Variants in BIRC6 observed in about 807,000 individuals in gnomAD.
The protein encoded by BIRC6 is dual E2 ubiquitin-conjugating enzyme/E3 ubiquitin-protein ligase BIRC6.
In BIRC6, 98 loss-of-function variants were observed where a neutral mutation model predicts 503.3. The ratio of observed to expected loss-of-function variants is 0.19; its 90% CI spans 0.17 to 0.23. The LOEUF (loss-of-function observed/expected upper bound fraction) is 0.23, where lower values mean the gene tolerates loss of function less well. Among genes scored for constraint, BIRC6 ranks in the 10% least tolerant of loss-of-function variants. BIRC6 has a pLI of 1.00. For synonymous variants in BIRC6, 2,240 were observed against 2,078.7 expected, an observed-to-expected ratio of 1.08 and a Z score of -2.11; for missense variants, 5,360 against 5,806.0, an observed-to-expected ratio of 0.92 and a Z score of 2.50.
At chr2:32,532,137 G>GTGTGTGTGTGTT in intron 61 of BIRC6, 1 of 512,954 alleles carries the variant, frequency 1.9e-6, no homozygotes, top group South Asian at 1.4e-5. Flanking sequence ...TTCATGTCGT[G>GTGTGTGTGTGTT]TGTGTGTGTG....
intron 30 of BIRC6, among the ~76,000 whole-genome samples, chr2:32,469,870 A>C (rs183054352): frequency 1.5e-4 from 23 of 152,334 alleles, no homozygotes; most frequent in African/African-American, 5.5e-4. Context: ...TATTTCTATT[A>C]GATTATGTTG....
intron 9 of BIRC6, among the ~76,000 whole-genome samples, chr2:32,407,081 C>A (rs1306283202): frequency 1.3e-5 from 2 of 152,142 alleles, no homozygotes; most frequent in African/African-American, 2.4e-5. Context: ...AATCCTAACT[C>A]TTCTACTTAA....
At position 32,450,733 on chromosome 2, in the gene BIRC6, A is replaced by G. The variant is rs144487360; in HGVS notation, c.4618+1805A>G. Among the ~76,000 whole-genome samples the G allele has an allele frequency of 7.3e-3, 1,118 of 152,284 alleles. 7 individuals carry two copies. Among genetic ancestry groups the G allele is most frequent in the Middle Eastern group, 0.02 (6 of 294 alleles). On this transcript the variant is annotated intron_variant, in intron 22 of 73. Transcript: ENST00000421745. The stretch of plus-strand genomic sequence containing the variant: ...ACTCCTCGCAGACAACAAAATCTGT[A>G]GATACTCAAGTCCCTTATGAAAAAT...
chr2:32,595,256 AT>A, intron 68 of BIRC6, 112 bp downstream of exon 68: 1 of 637,908 alleles, frequency 1.6e-6, no homozygotes, highest in Non-Finnish European at 2.7e-6. Context: ...TGTAACATGA[AT>A]TTTACTTCAT....
intron 65 of BIRC6, among the ~76,000 whole-genome samples, chr2:32,556,796 G>C (rs1159097302): frequency 6.6e-6 from 1 of 152,030 alleles, no homozygotes; most frequent in Non-Finnish European, 1.5e-5. Context: ...AAATTAGCCG[G>C]GTGTGGTGGA....
rs1460638841 is a variant in BIRC6, at chr2:32,519,699, G to T, written c.11623+753G>T. Among the ~76,000 whole-genome samples, 4 of 152,084 alleles carry T rather than the reference G, an allele frequency of 2.6e-5. 1 individual carries two copies. The highest frequency in any genetic ancestry group is 2.9e-5 in the Non-Finnish European group (2 of 68,026). On this transcript the variant is annotated intron_variant, in intron 57 of 73. Transcript: ENST00000421745. Reference sequence around the variant, plus strand: ...CCCAGCTAATTTTTTCATTTGTTTAGTAGAGACTGATTTTCACCATGTTGG... The same window carrying T: ...CCCAGCTAATTTTTTCATTTGTTTATTAGAGACTGATTTTCACCATGTTGG...
intron 36 of BIRC6, 120 bp downstream of exon 36, chr2:32,478,938 TC>T (rs1232876272): frequency 9.8e-6 from 9 of 914,112 alleles, no homozygotes; most frequent in Non-Finnish European, 1.5e-5. Context: ...AGCATAAAGG[TC>T]TGTTTAATCG....
chr2:32,445,686 A>G lies in BIRC6; in HGVS notation c.4484+18A>G, dbSNP rs1215554551. 2 of 1,475,880 alleles carry G rather than the reference A, an allele frequency of 1.4e-6. No individual in the cohort carries two copies. The highest frequency in any genetic ancestry group is 1.4e-5 in the African/African-American group (1 of 70,010). The allele number at this position is 1,475,880 out of a possible 1,614,324, so 91.4% of individuals were successfully genotyped here. On this transcript the variant is annotated intron_variant, in intron 21 of 73. Transcript: ENST00000421745. Reference sequence around the variant, plus strand: ...CAGACAAGGTATTTTAGTATATCTAATGACTAATAATAGGCGTCTCTGAGT... The same window carrying G: ...CAGACAAGGTATTTTAGTATATCTAGTGACTAATAATAGGCGTCTCTGAGT...
intron 66 of BIRC6, among the ~76,000 whole-genome samples, chr2:32,579,698 G>C (rs1347423970): frequency 2.0e-5 from 3 of 151,442 alleles, no homozygotes; most frequent in African/African-American, 7.3e-5. Context: ...GCATGTGTAA[G>C]AACAAAAATA....
chr2:32,470,365 A>AT, intron 31 of BIRC6, 64 bp downstream of exon 31: 1 of 1,353,404 alleles, frequency 7.4e-7, no homozygotes, highest in Non-Finnish European at 9.9e-7. Flanking sequence ...CTTTTATAAA[A>AT]TATCTTCTCT....
intron 10 of BIRC6, among the ~76,000 whole-genome samples, chr2:32,425,448 T>G (rs2043378786): frequency 6.6e-6 from 1 of 151,932 alleles, no homozygotes; most frequent in African/African-American, 2.4e-5. Context: ...TTTTTTTTTT[T>G]TCTCCTGTAA....
chr2:32,518,142 T>G lies in BIRC6; in HGVS notation c.11350-112T>G, dbSNP rs187888213. ...GAGACATTTGTTCTTTAGCTACTGA[T>G]TTGATATGTTAAAATAAACTTATTC... On this transcript the variant is annotated intron_variant, in intron 55 of 73. Transcript: ENST00000421745. 7 of 1,054,810 alleles carry G rather than the reference T, an allele frequency of 6.6e-6. No individual in the cohort carries two copies. In the African/African-American group the frequency reaches 1.1e-4, roughly 17 times the overall value. The allele number at this position is 1,054,810 out of a possible 1,614,324, so 65.3% of individuals were successfully genotyped here.
chr2:32,391,514 A>C (rs1406113369), intron 4 of BIRC6, among the ~76,000 whole-genome samples: 2 of 152,230 alleles, frequency 1.3e-5, no homozygotes, highest in Non-Finnish European at 2.9e-5. Context: ...GAGTAAACCT[A>C]AAGTTACTAG....
At chr2:32,428,424 C>T (rs919252467) in intron 10 of BIRC6, among the ~76,000 whole-genome samples, 5 of 152,170 alleles carry the variant, frequency 3.3e-5, no homozygotes, top group African/African-American at 4.8e-5. Context: ...TTAAACTGGA[C>T]GCTCTCCATC....
intron 9 of BIRC6, among the ~76,000 whole-genome samples, chr2:32,412,715 A>G (rs1419207652): frequency 6.6e-6 from 1 of 151,950 alleles, no homozygotes; most frequent in African/African-American, 2.4e-5. Flanking sequence ...ACTGATAATC[A>G]GCAGAGGATG....
intron 1 of BIRC6, among the ~76,000 whole-genome samples, chr2:32,371,030 T>C (rs1573709297): frequency 6.6e-6 from 1 of 151,938 alleles, no homozygotes; most frequent in East Asian, 1.9e-4. Flanking sequence ...CTGGGCAACA[T>C]GGCAAAACCC....
chr2:32,594,267 A>G lies in BIRC6; in HGVS notation c.13501+207A>G, dbSNP rs192694319. ...TTTTTAAACATTTCTACTATATATG[A>G]TTGCTAAATTTAGTAGGCTGAGAAC... On this transcript the variant is annotated intron_variant, in intron 67 of 73. Transcript: ENST00000421745. The G allele has an allele frequency of 6.6e-5, 29 of 441,802 alleles. No homozygotes were observed. In the East Asian group the frequency reaches 1.1e-3, roughly 16 times the overall value. 27.4% of individuals were successfully genotyped at this position (441,802 alleles called of 1,614,324 possible). A position where few individuals can be genotyped will look rare whatever the true frequency, so the allele number is the denominator to read the frequency against.
chr2:32,442,839 C>T (rs778168973), intron 19 of BIRC6, among the ~76,000 whole-genome samples: 5 of 151,996 alleles, frequency 3.3e-5, no homozygotes, highest in Non-Finnish European at 7.4e-5. Flanking sequence ...TGTGCAGACC[C>T]TTTTTTTCTA....
chr2:32,472,991 T>A, intron 32 of BIRC6, 121 bp from the exon 33 acceptor site: 1 of 797,268 alleles, frequency 1.3e-6, no homozygotes, highest in Middle Eastern at 3.9e-4. Flanking sequence ...ATGTTTTTCT[T>A]ATTAAAACTG....
Sources: allele counts gnomAD v4.1 joint callset (sites outside exome capture counted in the v4.1 genomes callset), GRCh38; gene constraint gnomAD v4.1.1; transcripts MANE v1.5; gene names NCBI Gene and HGNC (gene_info 2026-07-23, HGNC 2026-07-21).